The following NEAT1 variants were observed in gnomAD, a reference collection of about 807,000 sequenced individuals.
NEAT1 encodes nuclear paraspeckle assembly transcript 1.
chr11:65,436,974 C>T (rs1856663143), exon 1 of NEAT1: 1 of 151,968 alleles, frequency 6.6e-6, no homozygotes, highest in Non-Finnish European at 1.5e-5. Flanking sequence ...CACACCTTCA[C>T]CCAGGCTGTG....
At chr11:65,423,321 A>C (rs1411713714) in exon 1 of NEAT1, 4 of 152,196 alleles carry the variant, frequency 2.6e-5, no homozygotes, top group Non-Finnish European at 5.9e-5. Context: ...CCGCCTGGGG[A>C]TGAGGCCTGG....
exon 1 of NEAT1, chr11:65,426,179 G>C (rs770991681): frequency 6.6e-6 from 1 of 152,084 alleles, no homozygotes; most frequent in Middle Eastern, 3.2e-3. Context: ...AGTTTCACTT[G>C]AAATTTTAAA....
chr11:65,434,284 A>G (rs1396482923), exon 1 of NEAT1: 1 of 152,200 alleles, frequency 6.6e-6, no homozygotes, highest in African/African-American at 2.4e-5. Context: ...GGTGACGACA[A>G]CAACGTTGGC....
exon 1 of NEAT1, chr11:65,445,475 A>C (rs1194942731): frequency 6.6e-6 from 1 of 152,256 alleles, no homozygotes; most frequent in African/African-American, 2.4e-5. Flanking sequence ...AGTGCAGCCC[A>C]TGGCCGCACT....
exon 1 of NEAT1, chr11:65,436,754 G>A (rs925303705): frequency 6.6e-6 from 1 of 151,942 alleles, no homozygotes; most frequent in Non-Finnish European, 1.5e-5. Flanking sequence ...TTCCCTTTTT[G>A]GGGAACCATT....
At chr11:65,432,320 T>C (rs775181471) in exon 1 of NEAT1, 9 of 152,212 alleles carry the variant, frequency 5.9e-5, no homozygotes, top group Non-Finnish European at 1.3e-4. Context: ...CTTAGTATCA[T>C]TGGGAAGGCC....
At chr11:65,444,163 G>A (rs887281317) in exon 1 of NEAT1, 5 of 284,666 alleles carry the variant, frequency 1.8e-5, no homozygotes, top group South Asian at 1.5e-4. Context: ...TGAGCAAAGT[G>A]GGGGAGGGGG....
At chr11:65,425,559 T>C (rs1465757505) in exon 1 of NEAT1, 1 of 152,230 alleles carries the variant, frequency 6.6e-6, no homozygotes, top group Non-Finnish European at 1.5e-5. Context: ...GCTGGAAGTC[T>C]TAGAAAAGCC....
At chr11:65,432,145 T>C (rs1369154452) in exon 1 of NEAT1, 2 of 152,220 alleles carry the variant, frequency 1.3e-5, no homozygotes, top group South Asian at 2.1e-4. Flanking sequence ...GGTGTCTTTT[T>C]AGTATAATGA....
At chr11:65,436,788 G>A (rs1856661329) in exon 1 of NEAT1, 1 of 152,126 alleles carries the variant, frequency 6.6e-6, no homozygotes, top group African/African-American at 2.4e-5. Flanking sequence ...AATTTTTACT[G>A]TAGATAAGGC....
At chr11:65,435,724 A>C (rs949987532) in exon 1 of NEAT1, 9 of 152,088 alleles carry the variant, frequency 5.9e-5, no homozygotes, top group Non-Finnish European at 1.3e-4. Flanking sequence ...TCCTCTCCTC[A>C]TGTGCCGTGG....
chr11:65,441,236 TCTGCACTGCAGGCTGCATGGC>T (rs1161007952), exon 1 of NEAT1: 1 of 152,220 alleles, frequency 6.6e-6, no homozygotes, highest in Non-Finnish European at 1.5e-5. Flanking sequence ...TTCCCAACCC[TCTGCACTGCAGGCTGCATGGC>T]ACGGAGGGTC....
chr11:65,431,514 C>T (rs990336103), exon 1 of NEAT1: 1 of 152,150 alleles, frequency 6.6e-6, no homozygotes, highest in Non-Finnish European at 1.5e-5. Flanking sequence ...CACCATTTTA[C>T]GTTCTCACCA....
chr11:65,443,357 C>A (rs1363743192), exon 1 of NEAT1: 1 of 152,238 alleles, frequency 6.6e-6, no homozygotes, highest in African/African-American at 2.4e-5. Flanking sequence ...CACATGTGCA[C>A]ACACACTCCG....
chr11:65,435,874 A>G (rs1856653812), exon 1 of NEAT1: 1 of 152,220 alleles, frequency 6.6e-6, no homozygotes, highest in Non-Finnish European at 1.5e-5. Context: ...TCCCCTACAC[A>G]GATTAAATAA....
exon 1 of NEAT1, chr11:65,432,314 G>A (rs1350099923): frequency 6.6e-6 from 1 of 152,082 alleles, no homozygotes; most frequent in Non-Finnish European, 1.5e-5. Context: ...TGAACTCTTA[G>A]TATCATTGGG....
At chr11:65,436,608 G>A (rs539865665) in exon 1 of NEAT1, 8 of 152,324 alleles carry the variant, frequency 5.3e-5, no homozygotes, top group African/African-American at 7.2e-5. Flanking sequence ...CTGTACAGGC[G>A]TGGGTACACC....
chr11:65,440,229 T>C (rs1201833287), exon 1 of NEAT1: 2 of 152,134 alleles, frequency 1.3e-5, no homozygotes, highest in African/African-American at 4.8e-5. Flanking sequence ...ATGTTTCCAT[T>C]TGTATTAATG....
chr11:65,437,533 AGC>A (rs1856672867), exon 1 of NEAT1: 1 of 152,134 alleles, frequency 6.6e-6, no homozygotes, highest in African/African-American at 2.4e-5. Flanking sequence ...ACTTCAAAAT[AGC>A]GAAGGGAAGC....
Sources: allele counts gnomAD v4.1 joint callset, GRCh38; gene constraint gnomAD v4.1.1; transcripts MANE v1.5; gene names NCBI Gene and HGNC (gene_info 2026-07-23, HGNC 2026-07-21).